FSIP1: variants seen among roughly 807,000 people sequenced by gnomAD.
The protein encoded by FSIP1 is fibrous sheath-interacting protein 1.
Under a neutral mutation model 60.9 loss-of-function variants are expected in FSIP1, and 65 were observed. That is an observed-to-expected ratio of 1.07 (90% CI 0.87 to 1.31). The LOEUF is 1.31. Among genes scored for constraint, FSIP1 ranks in the 40% most tolerant of loss-of-function variants. The pLI is 0.00. For synonymous variants in FSIP1, 209 were observed against 221.2 expected, an observed-to-expected ratio of 0.94 and a Z score of 0.49; for missense variants, 675 against 665.5, an observed-to-expected ratio of 1.01 and a Z score of -0.16.
chr15:39,766,073 T>C (rs1304486643), intron 3 of FSIP1, among the ~76,000 whole-genome samples: 1 of 152,238 alleles, frequency 6.6e-6, no homozygotes. Context: ...CATTCTGTTA[T>C]ACTTTCTATG....
At chr15:39,761,565 G>A (rs1897500209) in intron 5 of FSIP1, among the ~76,000 whole-genome samples, 2 of 152,210 alleles carry the variant, frequency 1.3e-5, no homozygotes. Flanking sequence ...CCAGAAGCTG[G>A]AGGATGGGAA....
chr15:39,612,509 G>A (rs1249361639), intron 11 of FSIP1, among the ~76,000 whole-genome samples: 1 of 151,814 alleles, frequency 6.6e-6, no homozygotes, highest in Non-Finnish European at 1.5e-5. Flanking sequence ...GTTCTAAGTG[G>A]GAAATATAAA....
intron 9 of FSIP1, among the ~76,000 whole-genome samples, chr15:39,724,020 A>T (rs1352394699): frequency 2.0e-5 from 3 of 152,244 alleles, no homozygotes; most frequent in Non-Finnish European, 2.9e-5. Context: ...ATTTCTTTTT[A>T]ACAACTACAT....
At chr15:39,684,515 G>A (rs1595611270) in intron 10 of FSIP1, among the ~76,000 whole-genome samples, 1 of 152,256 alleles carries the variant, frequency 6.6e-6, no homozygotes, top group South Asian at 2.1e-4. Flanking sequence ...TAACCCTATA[G>A]AAGGAAATAG....
intron 10 of FSIP1, among the ~76,000 whole-genome samples, chr15:39,661,789 C>T (rs1272873637): frequency 6.6e-6 from 1 of 152,148 alleles, no homozygotes; most frequent in African/African-American, 2.4e-5. Context: ...TGGGTCATAT[C>T]AAGTAGAGTT....
At position 39,659,497 on chromosome 15, in the gene FSIP1, G is replaced by A. The variant is rs185436548; in HGVS notation, c.1189-41252C>T. On this transcript the variant is annotated intron_variant, in intron 10 of 11. Coordinates refer to ENST00000350221, the MANE Select transcript of FSIP1 (RefSeq NM_152597.5). The stretch of plus-strand genomic sequence containing the variant: ...GCGGAGCTTGCAGTGAGCCGAGATC[G>A]TGCCACTGCACTCCAGCCTGAGTGA... 4.6e-3 allele frequency among the ~76,000 whole-genome samples: 695 copies of A among 150,846 alleles called. 3 individuals are homozygous for A. Among genetic ancestry groups the A allele is most frequent in the Non-Finnish European group, 7.3e-3 (495 of 67,742 alleles).
Position 39,729,603 on chromosome 15 carries a change from C to T in FSIP1, c.892-2856G>A, listed in dbSNP as rs72727072. Reference sequence around the variant, plus strand: ...AGAGAAAAAAAAAGACACATGCATGCGTATGTTCATCGCAGCACTAGTCAC... The same window carrying T: ...AGAGAAAAAAAAAGACACATGCATGTGTATGTTCATCGCAGCACTAGTCAC... On this transcript the variant is annotated intron_variant, in intron 8 of 11. Transcript: ENST00000350221. 7.5e-3 allele frequency among the ~76,000 whole-genome samples: 1,145 copies of T among 152,024 alleles called. 8 individuals carry two copies. Among genetic ancestry groups the T allele is most frequent in the South Asian group, 0.031 (148 of 4,814 alleles).
intron 10 of FSIP1, among the ~76,000 whole-genome samples, chr15:39,679,844 C>T (rs566470260): frequency 1.4e-3 from 218 of 152,248 alleles, no homozygotes; most frequent in African/African-American, 4.9e-3. Context: ...GTCACAAATG[C>T]AAATTTTAAC....
At chr15:39,628,920 C>T (rs936069902) in intron 10 of FSIP1, among the ~76,000 whole-genome samples, 5 of 152,176 alleles carry the variant, frequency 3.3e-5, no homozygotes, top group African/African-American at 7.2e-5. Flanking sequence ...GAAATACCTG[C>T]GTGAAGCTGC....
At chr15:39,760,614 C>A (rs946314211) in intron 5 of FSIP1, among the ~76,000 whole-genome samples, 6 of 152,120 alleles carry the variant, frequency 3.9e-5, no homozygotes, top group Non-Finnish European at 7.4e-5. Flanking sequence ...CCAATACTCT[C>A]CCAAAGGGTC....
At chr15:39,749,041 T>A (rs1193992220) in intron 5 of FSIP1, among the ~76,000 whole-genome samples, 1 of 151,604 alleles carries the variant, frequency 6.6e-6, no homozygotes, top group East Asian at 1.9e-4. Context: ...TGTCAAAAAA[T>A]TTGATAACCT....
intron 10 of FSIP1, among the ~76,000 whole-genome samples, chr15:39,664,368 T>G (rs1893414583): frequency 6.6e-6 from 1 of 152,068 alleles, no homozygotes; most frequent in African/African-American, 2.4e-5. Context: ...AAAGAAAAAT[T>G]TAAGTTCCCT....
chr15:39,718,087 C>T (rs962592752), intron 9 of FSIP1, among the ~76,000 whole-genome samples: 2 of 152,094 alleles, frequency 1.3e-5, no homozygotes, highest in Non-Finnish European at 2.9e-5. Context: ...GCTAGTCTCT[C>T]GGTGTCCCAA....
intron 5 of FSIP1, among the ~76,000 whole-genome samples, chr15:39,760,656 A>G (rs1230656994): frequency 6.6e-6 from 1 of 152,186 alleles, no homozygotes; most frequent in Admixed American, 6.5e-5. Flanking sequence ...AGACTGAGGA[A>G]CTATCACAGA....
In FSIP1 at chr15:39,755,091, T is replaced by TTATTTG. The variant is rs931496133; in HGVS notation, c.559+8724_559+8729dup. ...TAAAAAAAAAAATGAGGAAAAAGGC[T>TTATTTG]TATTTGTATGTTCTGTTGGTTATTC... On this transcript the variant is annotated intron_variant, in intron 5 of 11. Coordinates refer to ENST00000350221, the MANE Select transcript of FSIP1 (RefSeq NM_152597.5). Among the ~76,000 whole-genome samples, 5 of 152,128 alleles carry TTATTTG rather than the reference T, an allele frequency of 3.3e-5. 1 individual carries two copies. Among genetic ancestry groups the TTATTTG allele is most frequent in the Admixed American group, 6.5e-5 (1 of 15,270 alleles).
At chr15:39,690,020 G>A (rs570457607) in intron 10 of FSIP1, among the ~76,000 whole-genome samples, 2 of 152,294 alleles carry the variant, frequency 1.3e-5, no homozygotes, top group East Asian at 3.9e-4. Context: ...CTACCATAAA[G>A]GGGAAGATAT....
Position 39,760,805 on chromosome 15 carries a change from A to G in FSIP1, c.559+3016T>C, listed in dbSNP as rs562748815. Among the ~76,000 whole-genome samples the G allele has an allele frequency of 2.4e-3, 364 of 152,326 alleles. 1 individual carries two copies. The highest frequency in any genetic ancestry group is 4.3e-3 in the Non-Finnish European group (292 of 68,036). ...TACTTTAATTAATGGTATTATACCA[A>G]TGTTGATTTCTGAGTTTTGATCACT... On this transcript the variant is annotated intron_variant, in intron 5 of 11. Coordinates refer to ENST00000350221, the MANE Select transcript of FSIP1 (RefSeq NM_152597.5).
intron 10 of FSIP1, among the ~76,000 whole-genome samples, chr15:39,697,074 T>C (rs909742765): frequency 6.6e-6 from 1 of 152,182 alleles, no homozygotes; most frequent in African/African-American, 2.4e-5. Flanking sequence ...CCCCAAAAGC[T>C]ATTTTCACTA....
chr15:39,776,559 C>T, intron 1 of FSIP1, 28 bp from the exon 2 acceptor site: 2 of 1,541,142 alleles, frequency 1.3e-6, no homozygotes, highest in South Asian at 1.2e-5. Flanking sequence ...ATATTTAATA[C>T]CAAGCGACTC....
Sources: allele counts gnomAD v4.1 joint callset (sites outside exome capture counted in the v4.1 genomes callset), GRCh38; gene constraint gnomAD v4.1.1; transcripts MANE v1.5; gene names NCBI Gene and HGNC (gene_info 2026-07-23, HGNC 2026-07-21).